Variants in LRRC37A2 observed in about 807,000 individuals in gnomAD.
LRRC37A2 encodes leucine rich repeat containing 37 member A2.
Under a neutral mutation model 68.8 loss-of-function variants are expected in LRRC37A2, and 9 were observed. The observed-to-expected ratio is 0.13, with a 90% CI of 0.08 to 0.23. LRRC37A2 has a LOEUF of 0.23. Ranked by LOEUF, LRRC37A2 falls within the 10% of genes least tolerant of loss-of-function variation. LRRC37A2 has a pLI of 1.00. For synonymous variants in LRRC37A2, 63 were observed against 367.6 expected (o/e 0.17, Z 9.48); for missense variants, 168 against 950.4 (o/e 0.18, Z 10.82).
the LRRC37A2 span, among the ~76,000 whole-genome samples, chr17:46,859,301 A>G: frequency 1.3e-5 from 2 of 152,154 alleles, no homozygotes; most frequent in East Asian, 1.9e-4. Context: ...CCTTAAGTCT[A>G]TGGTTCATTT....
the LRRC37A2 span, among the ~76,000 whole-genome samples, chr17:46,877,672 C>T: frequency 1.3e-5 from 2 of 152,198 alleles, no homozygotes; most frequent in African/African-American, 4.8e-5. Context: ...CTTGAGTGAG[C>T]TTTGGTGACT....
the LRRC37A2 span, among the ~76,000 whole-genome samples, chr17:46,598,927 T>TA: frequency 7.1e-6 from 1 of 141,772 alleles, no homozygotes; most frequent in African/African-American, 2.7e-5. Flanking sequence ...ATGCAGTAGT[T>TA]ATTAGTTTTG....
the LRRC37A2 span, chr17:47,028,423 A>C: frequency 9.6e-7 from 1 of 1,044,894 alleles, no homozygotes; most frequent in Non-Finnish European, 1.5e-6. Context: ...TCATACAATT[A>C]TTGGGTAGCT....
At chr17:46,935,414 C>T in the LRRC37A2 span, 2 of 1,426,776 alleles carry the variant, frequency 1.4e-6, no homozygotes, top group Non-Finnish European at 9.1e-7. Flanking sequence ...CAGGTCTTTT[C>T]CCATTTACTG....
At chr17:47,010,289 G>A in the LRRC37A2 span, among the ~76,000 whole-genome samples, 1 of 152,182 alleles carries the variant, frequency 6.6e-6, no homozygotes, top group Non-Finnish European at 1.5e-5. Context: ...ACTTGCAAAT[G>A]TAGCGACTGG....
the LRRC37A2 span, chr17:46,875,248 T>A: frequency 4.3e-6 from 7 of 1,614,104 alleles, no homozygotes; most frequent in Non-Finnish European, 5.9e-6. Context: ...CAGTGGGGCG[T>A]GTGCGGTGAC....
At chr17:47,016,190 C>A in the LRRC37A2 span, among the ~76,000 whole-genome samples, 2 of 151,958 alleles carry the variant, frequency 1.3e-5, no homozygotes, top group Non-Finnish European at 2.9e-5. Flanking sequence ...GTGATCCCCC[C>A]ACCTCGGCCT....
At chr17:46,681,672 T>C in the LRRC37A2 span, among the ~76,000 whole-genome samples, 1 of 110,506 alleles carries the variant, frequency 9.0e-6, no homozygotes, top group African/African-American at 3.7e-5. Flanking sequence ...CTCTTAGTGC[T>C]TTAAGTCTGC....
the LRRC37A2 span, among the ~76,000 whole-genome samples, chr17:46,731,820 C>T: frequency 1.3e-5 from 2 of 152,156 alleles, no homozygotes; most frequent in Non-Finnish European, 2.9e-5. Flanking sequence ...CTGCAGTATA[C>T]ATGAATCAGT....
chr17:46,502,645 CT>C, the LRRC37A2 span, among the ~76,000 whole-genome samples: 4 of 151,254 alleles, frequency 2.6e-5, no homozygotes, highest in Non-Finnish European at 2.9e-5. Context: ...TAGTTGCTGT[CT>C]TTTTTGCTTT....
At chr17:47,047,947 T>C in the LRRC37A2 span, among the ~76,000 whole-genome samples, 1 of 151,428 alleles carries the variant, frequency 6.6e-6, no homozygotes, top group African/African-American at 2.4e-5. Context: ...GTGACTACTT[T>C]CATGTCCAGA....
the LRRC37A2 span, among the ~76,000 whole-genome samples, chr17:46,946,815 A>T: frequency 6.6e-6 from 1 of 152,264 alleles, no homozygotes; most frequent in African/African-American, 2.4e-5. Context: ...GTGAGCCGAC[A>T]TTGTGCCACT....
chr17:46,774,096 C>T, the LRRC37A2 span, among the ~76,000 whole-genome samples: 1 of 152,210 alleles, frequency 6.6e-6, no homozygotes, highest in Non-Finnish European at 1.5e-5. Flanking sequence ...CTGACCCACG[C>T]AAGTCAGCCC....
chr17:47,008,184 C>G, the LRRC37A2 span, among the ~76,000 whole-genome samples: 4 of 150,238 alleles, frequency 2.7e-5, no homozygotes, highest in African/African-American at 9.8e-5. Flanking sequence ...AATCTCGGCT[C>G]ACTGCAAGCT....
the LRRC37A2 span, chr17:46,936,822 A>G: frequency 7.1e-6 from 7 of 984,936 alleles, no homozygotes; most frequent in Middle Eastern, 5.2e-4. Context: ...TCTGATGGCA[A>G]TGAAGTTTGA....
the LRRC37A2 span, among the ~76,000 whole-genome samples, chr17:46,791,294 A>C: frequency 3.9e-4 from 59 of 151,084 alleles, no homozygotes; most frequent in African/African-American, 1.4e-3. Flanking sequence ...GCTCACTGCA[A>C]CCTCCGTCTT....
At chr17:47,013,272 AG>A in the LRRC37A2 span, among the ~76,000 whole-genome samples, 2 of 152,200 alleles carry the variant, frequency 1.3e-5, no homozygotes, top group Non-Finnish European at 2.9e-5. Context: ...AAACTGAGTG[AG>A]GTGGTAGTTG....
At chr17:46,657,974 T>TA in the LRRC37A2 span, among the ~76,000 whole-genome samples, 5 of 13,470 alleles carry the variant, frequency 3.7e-4, 1 homozygote, top group South Asian at 2.9e-3. Flanking sequence ...TTATTTATTT[T>TA]TTTTTTTTTT....
chr17:46,887,387 A>G, the LRRC37A2 span, among the ~76,000 whole-genome samples: 1 of 152,032 alleles, frequency 6.6e-6, no homozygotes, highest in Non-Finnish European at 1.5e-5. Context: ...TGGGAGTAGA[A>G]CTAAGCAAGC....
Sources: gnomAD v4.1 joint callset for allele counts (sites outside exome capture counted in the v4.1 genomes callset) on GRCh38, gnomAD v4.1.1 for gene constraint, MANE v1.5 for transcripts, NCBI Gene and HGNC (gene_info 2026-07-23, HGNC 2026-07-21) for gene names.